C1orf185: variants seen among roughly 807,000 people sequenced by gnomAD.
The protein encoded by C1orf185 is uncharacterized protein C1orf185.
A neutral mutation model predicts 16.1 loss-of-function variants in C1orf185; 13 were observed. That is an observed-to-expected ratio of 0.81 (90% CI 0.53 to 1.28). The LOEUF (loss-of-function observed/expected upper bound fraction) is 1.28, where lower values mean the gene tolerates loss of function less well. C1orf185 is among the 50% of genes most tolerant of loss of function. C1orf185 has a pLI of 0.00. For synonymous variants in C1orf185, 80 were observed against 76.9 expected (o/e 1.04, Z -0.21); for missense variants, 220 against 225.2 (o/e 0.98, Z 0.15).
At chr1:51,108,986 A>G (rs768393032) in intron 1 of C1orf185, among the ~76,000 whole-genome samples, 1 of 152,134 alleles carries the variant, frequency 6.6e-6, no homozygotes, top group Non-Finnish European at 1.5e-5. Context: ...TAGGTTTTTG[A>G]GAAAACTCCT....
Position 51,112,546 on chromosome 1 carries a change from G to A in C1orf185, c.99G>A (p.Leu33=), listed in dbSNP as rs1193269498. The A allele has an allele frequency of 6.5e-7, 1 of 1,549,536 alleles. No homozygotes were observed. The stretch of plus-strand genomic sequence containing the variant: ...GTTTCTTTGCTTTGGCATCAGCTTT[G>A]TGGTTCCTGATTTGCAAACGAAGGT... ...GIGFFALASA[L]WFLICKRREI... is the part of the protein sequence containing the mutation. Residue 33 remains leucine (L), a synonymous_variant, in exon 2 of 5, where the codon TTG becomes TTA. Transcript: ENST00000371759.
chr1:51,143,018 C>G lies in C1orf185; in HGVS notation c.259-2706C>G, dbSNP rs369965565. ...GCCTCAGGGGATCCACCTGCCTCAG[C>G]CTCCCAAAGTACTAGGATTACAGAT... On this transcript the variant is annotated intron_variant, in intron 3 of 4. Transcript: ENST00000371759. 7.2e-5 allele frequency among the ~76,000 whole-genome samples: 11 copies of G among 152,276 alleles called. 1 individual carries two copies. Among genetic ancestry groups the G allele is most frequent in the East Asian group, 5.8e-4 (3 of 5,178 alleles).
At chr1:51,115,096 A>T (rs974721217) in intron 2 of C1orf185, among the ~76,000 whole-genome samples, 32 of 151,898 alleles carry the variant, frequency 2.1e-4, no homozygotes, top group African/African-American at 7.7e-4. Flanking sequence ...TGTAATCCCA[A>T]CACTTTGGGA....
At chr1:51,104,384 T>C (rs539956295) in intron 1 of C1orf185, among the ~76,000 whole-genome samples, 24 of 152,336 alleles carry the variant, frequency 1.6e-4, no homozygotes, top group African/African-American at 5.5e-4. Context: ...CATAGGTCTA[T>C]AACATATAAA....
intron 3 of C1orf185, among the ~76,000 whole-genome samples, chr1:51,124,401 G>A (rs150416795): frequency 1.3e-5 from 2 of 152,266 alleles, no homozygotes; most frequent in African/African-American, 4.8e-5. Context: ...TATTTTTAAG[G>A]TGTGTTTTTG....
intron 3 of C1orf185, among the ~76,000 whole-genome samples, chr1:51,131,536 A>G (rs1646285221): frequency 6.6e-6 from 1 of 152,112 alleles, no homozygotes; most frequent in Admixed American, 6.6e-5. Flanking sequence ...CAGTGTGAGA[A>G]GCTGAGGTGG....
At position 51,145,076 on chromosome 1, in the gene C1orf185, C is replaced by T. The variant is rs572740870; in HGVS notation, c.259-648C>T. ...ATTCTAATCCCCTAAAGTTTGAGAACTACTACAACACTATACTTCCCAGAA... is the reference window on the plus strand; with the variant it reads ...ATTCTAATCCCCTAAAGTTTGAGAATTACTACAACACTATACTTCCCAGAA... On this transcript the variant is annotated intron_variant, in intron 3 of 4. Coordinates refer to ENST00000371759, the MANE Select transcript of C1orf185 (RefSeq NM_001136508.2). Among the ~76,000 whole-genome samples, 9 of 152,192 alleles carry T rather than the reference C, an allele frequency of 5.9e-5. No homozygotes were observed. The East Asian group carries it at 1.7e-3, about 29-fold the overall frequency.
At chr1:51,127,790 A>G (rs1225287884) in intron 3 of C1orf185, among the ~76,000 whole-genome samples, 1 of 151,130 alleles carries the variant, frequency 6.6e-6, no homozygotes, top group Non-Finnish European at 1.5e-5. Context: ...GTTGACGGAT[A>G]TTGGGTTGTT....
At chr1:51,109,998 C>G (rs1646104545) in intron 1 of C1orf185, among the ~76,000 whole-genome samples, 1 of 152,082 alleles carries the variant, frequency 6.6e-6, no homozygotes, top group South Asian at 2.1e-4. Flanking sequence ...TTTTTAACAT[C>G]TATACTTAAC....
Position 51,112,577 on chromosome 1 carries a change from T to G in C1orf185, c.122+8T>G. ...CCTGATTTGCAAACGAAGGTAAGGA[T>G]TATTCGAATATTTCTTTAACCTTTT... On this transcript the variant is annotated splice_region_variant and intron_variant, in intron 2 of 4. Coordinates refer to ENST00000371759, the MANE Select transcript of C1orf185 (RefSeq NM_001136508.2). 1 of 1,523,378 alleles carries G rather than the reference T, an allele frequency of 6.6e-7. No individual in the cohort carries two copies. Among genetic ancestry groups the G allele is most frequent in the Non-Finnish European group, 8.8e-7 (1 of 1,134,710 alleles). 94.4% of individuals were successfully genotyped at this position (1,523,378 alleles called of 1,614,324 possible).
intron 1 of C1orf185, among the ~76,000 whole-genome samples, chr1:51,109,466 C>A (rs757259266): frequency 1.9e-4 from 29 of 151,794 alleles, no homozygotes; most frequent in Non-Finnish European, 3.7e-4. Flanking sequence ...CTTTTGAGGT[C>A]TTATTCATAA....
At chr1:51,132,801 C>G (rs1465896005) in intron 3 of C1orf185, among the ~76,000 whole-genome samples, 2 of 151,898 alleles carry the variant, frequency 1.3e-5, no homozygotes, top group African/African-American at 4.8e-5. Context: ...ATGTTAAAGC[C>G]AGCTAGAGAG....
At position 51,126,502 on chromosome 1, in the gene C1orf185, C is replaced by T. The variant is rs527676641; in HGVS notation, c.258+7701C>T. On this transcript the variant is annotated intron_variant, in intron 3 of 4. Transcript: ENST00000371759. Reference sequence around the variant, plus strand: ...TCTCGAACTCCTGGGCTCAAGTGAGCCTCCTGCCTCAGCCTCCCAATGTGC... The same window carrying T: ...TCTCGAACTCCTGGGCTCAAGTGAGTCTCCTGCCTCAGCCTCCCAATGTGC... 2.7e-4 allele frequency among the ~76,000 whole-genome samples: 41 copies of T among 152,132 alleles called. 2 individuals are homozygous for T. Among genetic ancestry groups the T allele is most frequent in the Admixed American group, 1.5e-3 (23 of 15,278 alleles).
At chr1:51,126,307 A>G (rs904748779) in intron 3 of C1orf185, among the ~76,000 whole-genome samples, 4 of 152,148 alleles carry the variant, frequency 2.6e-5, no homozygotes, top group Non-Finnish European at 5.9e-5. Context: ...TCCGTTGCCC[A>G]GGCTGGAGTG....
intron 1 of C1orf185, among the ~76,000 whole-genome samples, chr1:51,102,893 C>T (rs1175920948): frequency 6.6e-6 from 1 of 151,968 alleles, no homozygotes; most frequent in South Asian, 2.1e-4. Context: ...CAGCTGTGTT[C>T]CTATGAGTAT....
At chr1:51,114,830 A>G (rs1646146344) in intron 2 of C1orf185, among the ~76,000 whole-genome samples, 1 of 152,234 alleles carries the variant, frequency 6.6e-6, no homozygotes, top group South Asian at 2.1e-4. Flanking sequence ...TTTGAAATGT[A>G]CAGCTATCAG....
chr1:51,121,602 T>G (rs1209469115), intron 3 of C1orf185, among the ~76,000 whole-genome samples: 1 of 152,146 alleles, frequency 6.6e-6, no homozygotes, highest in African/African-American at 2.4e-5. Flanking sequence ...ATTGTCCCTG[T>G]TTTTCTTATC....
rs968497737 is a variant in C1orf185, at chr1:51,146,485, G to A, written c.295+725G>A. On this transcript the variant is annotated intron_variant, in intron 4 of 4. Coordinates refer to ENST00000371759, the MANE Select transcript of C1orf185 (RefSeq NM_001136508.2). ...AAAAAAAAAAAAAGTTAGTATGTTT[G>A]CAAGAATGGCCTTATACATAAATTT... Among the ~76,000 whole-genome samples, 5 of 151,252 alleles carry A rather than the reference G, an allele frequency of 3.3e-5. No homozygotes were observed. The East Asian group carries it at 9.7e-4, about 29-fold the overall frequency.
intron 4 of C1orf185, 82 bp from the exon 5 acceptor site, chr1:51,147,385 A>G: frequency 7.8e-7 from 1 of 1,274,088 alleles, no homozygotes; most frequent in Non-Finnish European, 1.1e-6. Flanking sequence ...TTATAGCATT[A>G]TCCTGCCCAT....
Sources: allele counts gnomAD v4.1 joint callset (sites outside exome capture counted in the v4.1 genomes callset), GRCh38; gene constraint gnomAD v4.1.1; transcripts MANE v1.5; gene names NCBI Gene and HGNC (gene_info 2026-07-23, HGNC 2026-07-21).